The following TFEC variants were observed in gnomAD, a reference collection of about 807,000 sequenced individuals.
TFEC encodes the protein class E basic helix-loop-helix protein 34.
TFEC carries 31 observed loss-of-function variants against 41.6 expected under a neutral mutation model. The ratio of observed to expected loss-of-function variants is 0.74; its 90% CI spans 0.56 to 1.01. The LOEUF (loss-of-function observed/expected upper bound fraction) is 1.01. Among genes scored for constraint, TFEC ranks in the 50% least tolerant of loss-of-function variants. The probability of loss-of-function intolerance (pLI) is 0.00; values close to 1 mark genes in which losing one functional copy is unlikely to be tolerated. For synonymous variants in TFEC, 143 were observed against 140.6 expected (o/e 1.02, Z -0.12); for missense variants, 402 against 404.1 (o/e 0.99, Z 0.04).
intron 3 of TFEC, among the ~76,000 whole-genome samples, chr7:116,040,962 G>A (rs1312162333): frequency 6.6e-6 from 1 of 152,094 alleles, no homozygotes; most frequent in Middle Eastern, 3.2e-3. Context: ...AATGAAATAT[G>A]TTGTAGTCAG....
At chr7:116,079,618 A>C (rs1213517752) in intron 3 of TFEC, among the ~76,000 whole-genome samples, 1 of 152,060 alleles carries the variant, frequency 6.6e-6, no homozygotes, top group Non-Finnish European at 1.5e-5. Context: ...AAATATACCT[A>C]ACCAAGAACT....
chr7:115,990,650 G>T (rs1457291937), intron 1 of TFEC, among the ~76,000 whole-genome samples: 1 of 151,994 alleles, frequency 6.6e-6, no homozygotes, highest in Non-Finnish European at 1.5e-5. Flanking sequence ...AAGATCAAAG[G>T]AATGAAATGA....
rs555510449 is a variant in TFEC at position 116,002,035 on chromosome 7, G to A, written c.-72-17522C>T. On this transcript the variant is annotated intron_variant, in intron 1 of 7. Coordinates refer to ENST00000265440, the MANE Select transcript of TFEC (RefSeq NM_012252.4). Reference sequence around the variant, plus strand: ...AAAAGACAGGTAATAACAAATGCTGGTGAGAATGTGGAGAAAAAAGAACCC... The same window carrying A: ...AAAAGACAGGTAATAACAAATGCTGATGAGAATGTGGAGAAAAAAGAACCC... 5.8e-4 allele frequency among the ~76,000 whole-genome samples: 89 copies of A among 152,290 alleles called. 1 individual carries two copies. The South Asian group carries it at 0.018, about 31-fold the overall frequency.
chr7:116,129,768 A>T (rs768141143), intron 1 of TFEC, among the ~76,000 whole-genome samples: 18 of 151,216 alleles, frequency 1.2e-4, no homozygotes, highest in Non-Finnish European at 2.1e-4. Flanking sequence ...ACATGGTGAA[A>T]CCTCATCCCT....
chr7:116,076,707 C>T (rs957640815), intron 3 of TFEC, among the ~76,000 whole-genome samples: 1 of 151,838 alleles, frequency 6.6e-6, no homozygotes, highest in African/African-American at 2.4e-5. Flanking sequence ...TTCAAATTAA[C>T]CCAGTCCAAC....
At chr7:116,061,402 T>G (rs933829971) in intron 3 of TFEC, among the ~76,000 whole-genome samples, 1 of 152,110 alleles carries the variant, frequency 6.6e-6, no homozygotes, top group East Asian at 1.9e-4. Flanking sequence ...AAGTTAGACA[T>G]GCCAAAAAAT....
chr7:115,968,939 T>C (rs985603052), intron 3 of TFEC, among the ~76,000 whole-genome samples: 1 of 151,892 alleles, frequency 6.6e-6, no homozygotes, highest in Non-Finnish European at 1.5e-5. Context: ...AAATTAAATG[T>C]AGTTTTTCAC....
intron 1 of TFEC, among the ~76,000 whole-genome samples, chr7:115,991,704 A>T (rs547278152): frequency 6.6e-6 from 1 of 152,312 alleles, no homozygotes; most frequent in African/African-American, 2.4e-5. Flanking sequence ...ACCCAATACA[A>T]GAGCACCCAG....
chr7:115,954,273 A>G (rs1020052830), intron 5 of TFEC, among the ~76,000 whole-genome samples: 1 of 152,106 alleles, frequency 6.6e-6, no homozygotes, highest in Non-Finnish European at 1.5e-5. Flanking sequence ...AGTCACTTTT[A>G]TCTCTTTAAA....
chr7:116,085,464 G>T (rs1423382651), intron 3 of TFEC, among the ~76,000 whole-genome samples: 2 of 151,748 alleles, frequency 1.3e-5, no homozygotes, highest in African/African-American at 4.8e-5. Context: ...CGCTTAAAAT[G>T]AAATTTATAG....
chr7:115,988,333 A>T (rs903357194), intron 1 of TFEC, among the ~76,000 whole-genome samples: 1 of 152,208 alleles, frequency 6.6e-6, no homozygotes, highest in African/African-American at 2.4e-5. Flanking sequence ...GCCATCATGC[A>T]AGAGCAGATG....
At chr7:116,096,219 C>T (rs904911594) in intron 3 of TFEC, among the ~76,000 whole-genome samples, 4 of 151,898 alleles carry the variant, frequency 2.6e-5, no homozygotes, top group African/African-American at 9.7e-5. Context: ...ACACACACAC[C>T]CCTATAACTA....
intron 2 of TFEC, among the ~76,000 whole-genome samples, chr7:115,977,583 TA>T (rs1317442041): frequency 6.6e-6 from 1 of 151,992 alleles, no homozygotes; most frequent in Non-Finnish European, 1.5e-5. Context: ...AAATACCTTT[TA>T]AAAACAGTTT....
At chr7:116,097,572 T>C (rs901116661) in intron 3 of TFEC, among the ~76,000 whole-genome samples, 3 of 152,152 alleles carry the variant, frequency 2.0e-5, no homozygotes, top group African/African-American at 7.2e-5. Context: ...GTAGCTTTTA[T>C]AGTGTGGCGA....
At chr7:116,069,416 T>TTTGATACA (rs1796773016) in intron 3 of TFEC, among the ~76,000 whole-genome samples, 1 of 151,666 alleles carries the variant, frequency 6.6e-6, no homozygotes, top group Non-Finnish European at 1.5e-5. Context: ...TATGGATATG[T>TTTGATACA]TTGATACATA....
intron 1 of TFEC, among the ~76,000 whole-genome samples, chr7:115,995,018 T>TAA (rs898630859): frequency 4.6e-5 from 7 of 151,928 alleles, no homozygotes; most frequent in African/African-American, 1.7e-4. Context: ...TATGCAGCCA[T>TAA]AAAAAAGGAT....
chr7:116,025,572 T>C (rs1365119376), intron 1 of TFEC, among the ~76,000 whole-genome samples: 2 of 152,100 alleles, frequency 1.3e-5, no homozygotes, highest in Non-Finnish European at 2.9e-5. Flanking sequence ...ATTAATTCAA[T>C]GTGAAATCTT....
At chr7:115,968,134 A>G (rs1419811209) in intron 3 of TFEC, 2 of 1,495,672 alleles carry the variant, frequency 1.3e-6, no homozygotes, top group Non-Finnish European at 1.8e-6. Flanking sequence ...TCAGTATTTA[A>G]GGTGGTTTCA....
chr7:115,971,255 G>A (rs11764575), intron 3 of TFEC, among the ~76,000 whole-genome samples: 43,506 of 151,662 alleles, frequency 0.29, 7,595 homozygotes, highest in Non-Finnish European at 0.4. Context: ...AGCTTTAACT[G>A]GAACTAAGAA....
Sources: gnomAD v4.1 joint callset for allele counts (sites outside exome capture counted in the v4.1 genomes callset) on GRCh38, gnomAD v4.1.1 for gene constraint, MANE v1.5 for transcripts, NCBI Gene and HGNC (gene_info 2026-07-23, HGNC 2026-07-21) for gene names.